MORC1: variants seen among roughly 807,000 people sequenced by gnomAD.
MORC1 encodes the protein MORC family CW-type zinc finger protein 1.
MORC1 carries 59 observed loss-of-function variants against 134.9 expected under a neutral mutation model. The observed-to-expected ratio is 0.44, with a 90% CI of 0.35 to 0.54. The LOEUF is 0.54. Among genes scored for constraint, MORC1 ranks in the 20% least tolerant of loss-of-function variants. MORC1 has a pLI of 0.00. For missense variants in MORC1, 947 were observed against 1,134.5 expected (o/e 0.83, Z 2.37); for synonymous variants, 395 against 391.7 (o/e 1.01, Z -0.10).
intron 14 of MORC1, among the ~76,000 whole-genome samples, chr3:109,037,502 T>C (rs1949406201): frequency 6.6e-6 from 1 of 152,244 alleles, no homozygotes; most frequent in Non-Finnish European, 1.5e-5. Flanking sequence ...GCAGGTTTGT[T>C]ACGTAGGCAT....
chr3:109,106,298 GA>G (rs1951034313), intron 3 of MORC1, among the ~76,000 whole-genome samples: 1 of 152,202 alleles, frequency 6.6e-6, no homozygotes, highest in African/African-American at 2.4e-5. Flanking sequence ...CTTGCAGAAA[GA>G]AGGGTATTCC....
intron 8 of MORC1, among the ~76,000 whole-genome samples, chr3:109,078,659 C>G (rs1305032609): frequency 6.6e-6 from 1 of 151,014 alleles, no homozygotes; most frequent in Non-Finnish European, 1.5e-5. Flanking sequence ...TAAACAAATC[C>G]AAAAAAGATA....
intron 24 of MORC1, among the ~76,000 whole-genome samples, chr3:108,976,145 G>A (rs574208542): frequency 2.0e-5 from 3 of 152,262 alleles, no homozygotes; most frequent in African/African-American, 7.2e-5. Context: ...TAGGTAATGA[G>A]TATGTACAGT....
At chr3:109,084,831 G>C (rs1021170684) in intron 8 of MORC1, among the ~76,000 whole-genome samples, 25 of 152,096 alleles carry the variant, frequency 1.6e-4, no homozygotes, top group African/African-American at 5.8e-4. Context: ...ACACAACCCA[G>C]ATATAAATCC....
rs1405906367 is a variant in MORC1, at chr3:109,027,840, T to C, written c.1615A>G (p.Thr539Ala). ...TTCTCATTTTTTGATGGTGATATTG[T>C]GCTCATGGTGCCCAGTGGGATGGAA... is the stretch of plus-strand genomic sequence containing the variant. ...LPSIPLGTMS[T>A]ISPSKNEKEK... Residue 539 changes from threonine (T) to alanine (A), a missense_variant, in exon 17 of 28, where the codon ACA becomes GCA. Physicochemically the swap from Thr to Ala is moderately conservative, Grantham distance 58. Around this residue, in one of 3 missense-constraint regions of MORC1, gnomAD observed 722 missense variants for 817.0 expected, o/e 0.88. Coordinates refer to ENST00000232603, the MANE Select transcript of MORC1 (RefSeq NM_014429.4). The C allele has an allele frequency of 3.7e-6, 6 of 1,613,764 alleles. No homozygotes were observed. The highest frequency in any genetic ancestry group is 1.7e-5 in the Admixed American group (1 of 59,956).
chr3:109,057,559 A>C, intron 12 of MORC1, 73 bp from the exon 13 acceptor site: 2 of 1,336,386 alleles, frequency 1.5e-6, no homozygotes, highest in Non-Finnish European at 2.0e-6. Context: ...ACTGCTAATA[A>C]TTAAACTAGA....
intron 17 of MORC1, 133 bp from the exon 18 acceptor site, chr3:109,007,224 G>T: frequency 1.6e-6 from 1 of 632,960 alleles, no homozygotes; most frequent in Non-Finnish European, 2.7e-6. Flanking sequence ...AATTGTTCAA[G>T]GAGTGCATTT....
Position 108,979,550 on chromosome 3 carries a change from G to C in MORC1, c.2442C>G (p.Val814=). The C allele has an allele frequency of 6.2e-7, 1 of 1,614,046 alleles. No homozygotes were observed. Among genetic ancestry groups the C allele is most frequent in the African/African-American group, 1.3e-5 (1 of 75,036 alleles). ...SSPASSQSTP[V]KETVRKLKSK... ...ACTTCAGTTTTCTCACTGTTTCCTT[G>C]ACAGGTGTGCTTTGAGAAGACGCTG... is the stretch of plus-strand genomic sequence containing the variant. The change falls in exon 24 of 28, where the codon GTC becomes GTG. Residue 814 remains valine, a synonymous_variant. Coordinates refer to ENST00000232603, the MANE Select transcript of MORC1 (RefSeq NM_014429.4).
intron 20 of MORC1, among the ~76,000 whole-genome samples, chr3:109,002,838 T>C (rs573567865): frequency 6.6e-6 from 1 of 152,216 alleles, no homozygotes; most frequent in Admixed American, 6.6e-5. Flanking sequence ...GACTGGCCTA[T>C]AGTACCTGCC....
chr3:109,018,390 T>C (rs1026136419), intron 17 of MORC1, among the ~76,000 whole-genome samples: 2 of 151,984 alleles, frequency 1.3e-5, no homozygotes, highest in Non-Finnish European at 2.9e-5. Flanking sequence ...GAAATATGTG[T>C]TTACATTTTA....
At chr3:109,008,400 C>A (rs1448094582) in intron 17 of MORC1, among the ~76,000 whole-genome samples, 1 of 151,676 alleles carries the variant, frequency 6.6e-6, no homozygotes, top group Non-Finnish European at 1.5e-5. Flanking sequence ...TCCAAGGGTA[C>A]TTGAAGAGAA....
intron 12 of MORC1, 145 bp downstream of exon 12, chr3:109,059,661 T>A: frequency 1.7e-6 from 1 of 577,484 alleles, no homozygotes; most frequent in Non-Finnish European, 3.0e-6. Context: ...TTGTGGGAAC[T>A]TGACTATATT....
chr3:109,001,616 C>T (rs886563715), intron 20 of MORC1, among the ~76,000 whole-genome samples: 4 of 152,124 alleles, frequency 2.6e-5, no homozygotes, highest in Admixed American at 6.5e-5. Flanking sequence ...ATAATAAATT[C>T]CTGGTTTCTT....
intron 4 of MORC1, among the ~76,000 whole-genome samples, chr3:109,100,895 A>G (rs951195925): frequency 6.6e-6 from 1 of 152,232 alleles, no homozygotes; most frequent in African/African-American, 2.4e-5. Flanking sequence ...GATTTAAAGT[A>G]TACAGGAGGA....
At chr3:109,023,138 C>A (rs1948997595) in intron 17 of MORC1, among the ~76,000 whole-genome samples, 1 of 152,148 alleles carries the variant, frequency 6.6e-6, no homozygotes, top group Non-Finnish European at 1.5e-5. Flanking sequence ...CAGGGATTGG[C>A]AATAGTTTTG....
chr3:108,985,820 C>T (rs559941037), intron 22 of MORC1, among the ~76,000 whole-genome samples: 1 of 152,112 alleles, frequency 6.6e-6, no homozygotes, highest in African/African-American at 2.4e-5. Context: ...CTTGAAGTCA[C>T]AGTAGTAGTT....
At chr3:109,115,852 G>C (rs958479343) in intron 1 of MORC1, among the ~76,000 whole-genome samples, 2 of 152,212 alleles carry the variant, frequency 1.3e-5, no homozygotes, top group Non-Finnish European at 2.9e-5. Flanking sequence ...TTTTGACTGA[G>C]TGCTAACTTC....
chr3:108,972,279 A>G (rs1947404313), intron 24 of MORC1, among the ~76,000 whole-genome samples: 1 of 56,460 alleles, frequency 1.8e-5, no homozygotes, highest in Non-Finnish European at 4.3e-5. Context: ...ACCACATCTT[A>G]AAGTGTATAG....
chr3:109,094,805 T>A, intron 7 of MORC1, 104 bp downstream of exon 7: 1 of 1,087,146 alleles, frequency 9.2e-7, no homozygotes, highest in Non-Finnish European at 1.2e-6. Flanking sequence ...TGAATCCACA[T>A]GAGATTATAA....
Sources: gnomAD v4.1 joint callset for allele counts (sites outside exome capture counted in the v4.1 genomes callset) on GRCh38, gnomAD v4.1.1 for gene constraint, gnomAD v4.1.1 regional missense constraint, MANE v1.5 for transcripts, NCBI Gene and HGNC (gene_info 2026-07-23, HGNC 2026-07-21) for gene names.